The following AVL9 variants were observed in gnomAD, a reference collection of about 807,000 sequenced individuals.
AVL9 encodes the protein late secretory pathway protein AVL9 homolog.
AVL9 carries 49 observed loss-of-function variants against 79.2 expected under a neutral mutation model. The observed-to-expected ratio is 0.62, with a 90% CI of 0.49 to 0.79. AVL9 has a LOEUF of 0.79. Among genes scored for constraint, AVL9 ranks in the 30% least tolerant of loss-of-function variants. The probability of loss-of-function intolerance (pLI) is 0.00; values close to 1 mark genes in which losing one functional copy is unlikely to be tolerated. For missense variants in AVL9, 682 were observed against 776.8 expected (o/e 0.88, Z 1.45); for synonymous variants, 299 against 280.6 (o/e 1.07, Z -0.65).
At chr7:32,541,161 A>G (rs1789186628) in intron 1 of AVL9, among the ~76,000 whole-genome samples, 1 of 151,932 alleles carries the variant, frequency 6.6e-6, no homozygotes, top group African/African-American at 2.4e-5. Context: ...TCGGCCTCCC[A>G]AAGTGCTGGG....
At chr7:32,530,535 A>C (rs1049593284) in intron 1 of AVL9, among the ~76,000 whole-genome samples, 1 of 152,264 alleles carries the variant, frequency 6.6e-6, no homozygotes, top group Non-Finnish European at 1.5e-5. Flanking sequence ...AATACTTAGT[A>C]GGGTTCTCAA....
chr7:32,576,059 GA>G lies in AVL9; in HGVS notation c.1678del (p.Ile560Ter). 1 of 1,612,960 alleles carries G rather than the reference GA, an allele frequency of 6.2e-7. No homozygotes were observed. The highest frequency in any genetic ancestry group is 8.5e-7 in the Non-Finnish European group (1 of 1,178,980). ...WNSNKHPALA[E>X]INPNHPFQGQ... is the part of the protein sequence containing the mutation. ...CAGCAACAAGCATCCAGCACTTGCA[GA>G]AATAAATCCAAAGTAAGCGCGTCCT... On this transcript the variant is annotated frameshift_variant, in exon 13 of 16. Transcript: ENST00000318709. LOFTEE classifies it high-confidence loss of function.
At chr7:32,563,338 G>A (rs951807203) in intron 10 of AVL9, among the ~76,000 whole-genome samples, 10 of 151,800 alleles carry the variant, frequency 6.6e-5, no homozygotes, top group Non-Finnish European at 1.5e-4. Context: ...AGCCTCTCCC[G>A]TATACTTTAA....
intron 1 of AVL9, among the ~76,000 whole-genome samples, chr7:32,505,782 A>G (rs1203486537): frequency 6.6e-6 from 1 of 152,154 alleles, no homozygotes; most frequent in African/African-American, 2.4e-5. Context: ...GTTTTTTTAT[A>G]TTCTATTTTC....
At chr7:32,502,773 G>C (rs4723161) in intron 1 of AVL9, among the ~76,000 whole-genome samples, 51,264 of 152,082 alleles carry the variant, frequency 0.34, 8,938 homozygotes, top group South Asian at 0.44. Context: ...CAGAGCAAAT[G>C]TCACTCATAC....
At chr7:32,502,406 A>AAAAAAAAAGAAAG (rs201243248) in intron 1 of AVL9, among the ~76,000 whole-genome samples, 4 of 140,116 alleles carry the variant, frequency 2.9e-5, no homozygotes, top group Admixed American at 7.9e-5. Flanking sequence ...AAAAAAAAAA[A>AAAAAAAAAGAAAG]AAAGAAAGAA....
chr7:32,577,104 C>T (rs1300246277), intron 13 of AVL9, among the ~76,000 whole-genome samples: 3 of 152,098 alleles, frequency 2.0e-5, no homozygotes, highest in African/African-American at 4.8e-5. Flanking sequence ...GAGGCTGAGG[C>T]GGGTGGATCA....
At position 32,548,829 on chromosome 7, in the gene AVL9, G is replaced by T. The variant is rs1452607421; in HGVS notation, c.301-18G>T. 2.7e-6 allele frequency: 4 copies of T among 1,501,802 alleles called. No individual in the cohort carries two copies. The highest frequency in any genetic ancestry group is 2.4e-5 in the East Asian group (1 of 41,392). 93.0% of individuals were successfully genotyped at this position (1,501,802 alleles called of 1,614,324 possible). Reference sequence around the variant, plus strand: ...TGCTATGAAATATTTCTGATAAATTGCTCTTTGTTCATAATAGGCACTGAA... The same window carrying T: ...TGCTATGAAATATTTCTGATAAATTTCTCTTTGTTCATAATAGGCACTGAA... On this transcript the variant is annotated intron_variant, in intron 3 of 15. Coordinates refer to ENST00000318709, the MANE Select transcript of AVL9 (RefSeq NM_015060.3).
chr7:32,510,248 A>T (rs912015086), intron 1 of AVL9, among the ~76,000 whole-genome samples: 1 of 151,820 alleles, frequency 6.6e-6, no homozygotes, highest in African/African-American at 2.4e-5. Flanking sequence ...CAGTCCTGAC[A>T]CTTCTGAACT....
At chr7:32,513,687 G>A (rs751351822) in intron 1 of AVL9, among the ~76,000 whole-genome samples, 7 of 152,192 alleles carry the variant, frequency 4.6e-5, no homozygotes, top group Non-Finnish European at 5.9e-5. Context: ...AATAAGACAC[G>A]GAGACAAAGT....
intron 1 of AVL9, among the ~76,000 whole-genome samples, chr7:32,498,558 A>C (rs1453583157): frequency 6.6e-6 from 1 of 151,506 alleles, no homozygotes; most frequent in Non-Finnish European, 1.5e-5. Context: ...TAAATGAAAA[A>C]TTCCTTCATT....
intron 1 of AVL9, among the ~76,000 whole-genome samples, chr7:32,516,201 G>A (rs1325256241): frequency 7.2e-5 from 11 of 152,174 alleles, no homozygotes. Context: ...TACTGTGAGA[G>A]GATTTTACCT....
At chr7:32,548,151 C>CTTTTTGTTTTT (rs1554340934) in intron 3 of AVL9, among the ~76,000 whole-genome samples, 16 of 131,594 alleles carry the variant, frequency 1.2e-4, no homozygotes, top group African/African-American at 4.0e-4. Context: ...TCTCTTTTTT[C>CTTTTTGTTTTT]TTTTTTTTTT....
intron 15 of AVL9, among the ~76,000 whole-genome samples, chr7:32,582,223 A>T (rs1161080223): frequency 6.6e-6 from 1 of 152,238 alleles, no homozygotes; most frequent in Non-Finnish European, 1.5e-5. Flanking sequence ...CTGCTTTGTC[A>T]TACAATGTGT....
At chr7:32,519,784 T>C (rs1372150192) in intron 1 of AVL9, among the ~76,000 whole-genome samples, 1 of 152,196 alleles carries the variant, frequency 6.6e-6, no homozygotes, top group African/African-American at 2.4e-5. Context: ...TACCTGAGAC[T>C]AGGTAATTTG....
intron 1 of AVL9, among the ~76,000 whole-genome samples, chr7:32,499,528 T>G (rs1787022268): frequency 6.6e-6 from 1 of 152,190 alleles, no homozygotes; most frequent in Non-Finnish European, 1.5e-5. Context: ...AAGTCTTAAG[T>G]AAACTGGATT....
At chr7:32,553,624 T>C (rs1442601732) in intron 6 of AVL9, 103 bp from the exon 7 acceptor site, 4 of 105,622 alleles carry the variant, frequency 3.8e-5, no homozygotes, top group Non-Finnish European at 4.4e-5. Context: ...TATTCCTACT[T>C]TTTTTTTTTT....
intron 14 of AVL9, 109 bp downstream of exon 14, chr7:32,580,381 A>G (rs1311763527): frequency 1.2e-6 from 1 of 827,502 alleles, no homozygotes; most frequent in East Asian, 2.5e-5. Context: ...TTATGCTTCA[A>G]ATAGTAACCA....
Position 32,548,144 on chromosome 7 carries a change from C to CTCTTTTTTTTTTTTTTTTTTTTTT in AVL9, c.301-702_301-701insCTTTTTTTTTTTTTTTTTTTTTTT, listed in dbSNP as rs1227025763. Among the ~76,000 whole-genome samples the CTCTTTTTTTTTTTTTTTTTTTTTT allele has an allele frequency of 9.0e-4, 52 of 57,578 alleles. 1 individual carries two copies. Among genetic ancestry groups the CTCTTTTTTTTTTTTTTTTTTTTTT allele is most frequent in the African/African-American group, 2.5e-3 (46 of 18,510 alleles). 37.8% of individuals were successfully genotyped at this position (57,578 alleles called of 152,430 possible). On this transcript the variant is annotated intron_variant, in intron 3 of 15. Transcript: ENST00000318709. ...AACAAGCTGTCTGTTTTTGTCATCTCTTTTTTCTTTTTTTTTTTTTTGAGA... is the reference window on the plus strand; with the variant it reads ...AACAAGCTGTCTGTTTTTGTCATCTCTCTTTTTTTTTTTTTTTTTTTTTTTTTTTTCTTTTTTTTTTTTTTGAGA...
Sources: allele counts gnomAD v4.1 joint callset (sites outside exome capture counted in the v4.1 genomes callset), GRCh38; gene constraint gnomAD v4.1.1; transcripts MANE v1.5; gene names NCBI Gene and HGNC (gene_info 2026-07-23, HGNC 2026-07-21).